Variants in TBC1D22A observed in about 807,000 individuals in gnomAD.
TBC1D22A encodes the protein TBC1 domain family member 22A.
TBC1D22A carries 38 observed loss-of-function variants against 60.2 expected under a neutral mutation model. The observed-to-expected ratio is 0.63, with a 90% CI of 0.49 to 0.83. The LOEUF is 0.83. Ranked by LOEUF, TBC1D22A falls within the 40% of genes least tolerant of loss-of-function variation. The probability of loss-of-function intolerance (pLI) is 0.00; values close to 1 mark genes in which losing one functional copy is unlikely to be tolerated. For synonymous variants in TBC1D22A, 302 were observed against 281.7 expected (o/e 1.07, Z -0.72); for missense variants, 628 against 701.0 (o/e 0.90, Z 1.18).
At chr22:47,052,487 G>T (rs1603183900) in intron 11 of TBC1D22A, among the ~76,000 whole-genome samples, 1 of 152,178 alleles carries the variant, frequency 6.6e-6, no homozygotes, top group South Asian at 2.1e-4. Context: ...GCCCCCTGGG[G>T]AGCATTGTGT....
At chr22:47,060,941 T>C (rs1373060133) in intron 11 of TBC1D22A, among the ~76,000 whole-genome samples, 3 of 152,210 alleles carry the variant, frequency 2.0e-5, no homozygotes, top group Non-Finnish European at 2.9e-5. Context: ...GGGCCTTGTC[T>C]TTGCCTACTG....
intron 7 of TBC1D22A, among the ~76,000 whole-genome samples, chr22:46,897,137 A>G (rs2068719751): frequency 6.6e-6 from 1 of 152,194 alleles, no homozygotes; most frequent in African/African-American, 2.4e-5. Context: ...AGAATTGGAC[A>G]AAATGCACAA....
At chr22:47,169,158 G>A (rs1054474973) in intron 12 of TBC1D22A, among the ~76,000 whole-genome samples, 9 of 152,196 alleles carry the variant, frequency 5.9e-5, no homozygotes, top group Admixed American at 2.0e-4. Flanking sequence ...ACTCACTGAC[G>A]TTTTAGAGAG....
At chr22:46,785,172 T>C (rs1046870524) in intron 1 of TBC1D22A, among the ~76,000 whole-genome samples, 1 of 152,198 alleles carries the variant, frequency 6.6e-6, no homozygotes, top group East Asian at 1.9e-4. Context: ...CTCTTCTCCA[T>C]GATGTCTGGG....
chr22:46,857,378 C>T (rs574826164), intron 4 of TBC1D22A, among the ~76,000 whole-genome samples: 14 of 152,348 alleles, frequency 9.2e-5, no homozygotes, highest in Admixed American at 1.3e-4. Context: ...AGCCCATCAT[C>T]GCTGTAGTCC....
chr22:46,958,886 A>G (rs1034117740), intron 8 of TBC1D22A, among the ~76,000 whole-genome samples: 2 of 152,118 alleles, frequency 1.3e-5, no homozygotes, highest in Admixed American at 1.3e-4. Context: ...CAGCCTTCTC[A>G]TTGTCTGAGT....
intron 11 of TBC1D22A, among the ~76,000 whole-genome samples, chr22:47,040,148 T>A (rs1361064630): frequency 1.3e-5 from 2 of 151,948 alleles, no homozygotes; most frequent in Non-Finnish European, 2.9e-5. Context: ...GGTTTCACCG[T>A]GTTAGCCAGG....
intron 4 of TBC1D22A, among the ~76,000 whole-genome samples, chr22:46,828,448 T>C (rs2086166109): frequency 6.6e-6 from 1 of 152,258 alleles, no homozygotes; most frequent in African/African-American, 2.4e-5. Flanking sequence ...TGTGAGATGT[T>C]TGTCTGTTGC....
intron 11 of TBC1D22A, among the ~76,000 whole-genome samples, chr22:47,060,280 T>C (rs7290614): frequency 0.49 from 71,633 of 145,130 alleles, 18,551 homozygotes; most frequent in African/African-American, 0.62. Context: ...CTTGCTCTGT[T>C]GCCCAGGCTG....
chr22:47,118,889 C>T (rs1258656723), intron 12 of TBC1D22A, among the ~76,000 whole-genome samples: 6 of 152,136 alleles, frequency 3.9e-5, no homozygotes, highest in Non-Finnish European at 8.8e-5. Flanking sequence ...CGGTGGCTCA[C>T]GCCTGTAATC....
chr22:46,814,954 A>G (rs938025868), intron 4 of TBC1D22A, among the ~76,000 whole-genome samples: 5 of 152,016 alleles, frequency 3.3e-5, no homozygotes, highest in Non-Finnish European at 5.9e-5. Context: ...TGCCCGGCCT[A>G]TTTTTACTTA....
At chr22:46,847,238 T>C (rs2087041879) in intron 4 of TBC1D22A, among the ~76,000 whole-genome samples, 2 of 152,180 alleles carry the variant, frequency 1.3e-5, no homozygotes, top group Non-Finnish European at 2.9e-5. Context: ...GGAGAAATAG[T>C]GTAGAAGAGA....
chr22:46,797,804 G>T (rs1051884307), intron 4 of TBC1D22A, among the ~76,000 whole-genome samples, 184 bp downstream of exon 4: 8 of 152,244 alleles, frequency 5.3e-5, no homozygotes, highest in African/African-American at 1.9e-4. Context: ...GTAGCAATTT[G>T]TGCTTTAGAC....
At chr22:47,171,310 C>G (rs969692569) in intron 12 of TBC1D22A, among the ~76,000 whole-genome samples, 4 of 152,214 alleles carry the variant, frequency 2.6e-5, no homozygotes, top group Non-Finnish European at 5.9e-5. Flanking sequence ...CCCTTGTCAC[C>G]TGCTAGGAGT....
intron 11 of TBC1D22A, among the ~76,000 whole-genome samples, chr22:47,089,353 C>T (rs866854160): frequency 3.3e-5 from 5 of 152,294 alleles, no homozygotes; most frequent in South Asian, 2.1e-4. Context: ...GAGCGGGGGT[C>T]GGTAATAAAT....
intron 8 of TBC1D22A, among the ~76,000 whole-genome samples, chr22:46,925,344 A>T (rs2070989204): frequency 6.6e-6 from 1 of 152,234 alleles, no homozygotes; most frequent in Admixed American, 6.5e-5. Context: ...ACAAGCAGAG[A>T]GTTCCCTGGG....
chr22:46,877,627 A>G (rs1164751450), intron 4 of TBC1D22A, among the ~76,000 whole-genome samples: 3 of 152,264 alleles, frequency 2.0e-5, no homozygotes, highest in Non-Finnish European at 4.4e-5. Flanking sequence ...AGACTTTAGT[A>G]ATTGGAAAAA....
At chr22:46,835,084 G>A (rs569170552) in intron 4 of TBC1D22A, among the ~76,000 whole-genome samples, 73 of 152,328 alleles carry the variant, frequency 4.8e-4, no homozygotes, top group African/African-American at 1.7e-3. Flanking sequence ...ACATTAATAG[G>A]AAAGGTCTGA....
chr22:47,009,633 A>T lies in TBC1D22A; in HGVS notation c.1201+11924A>T, dbSNP rs572139590. 9.9e-5 allele frequency among the ~76,000 whole-genome samples: 15 copies of T among 151,328 alleles called. 1 individual carries two copies. The South Asian group carries it at 2.9e-3, about 30-fold the overall frequency. On this transcript the variant is annotated intron_variant, in intron 10 of 12. Coordinates refer to ENST00000337137, the MANE Select transcript of TBC1D22A (RefSeq NM_014346.5). The surrounding 1 kb of genome is among the most constrained non-coding windows in gnomAD (Gnocchi z 5.8). ...TCATCATTACTATCACCATCATTTC[A>T]TCACCGTCATCATTACCATCATCAC...
Sources: allele counts gnomAD v4.1 joint callset (sites outside exome capture counted in the v4.1 genomes callset), GRCh38; gene constraint gnomAD v4.1.1; non-coding constraint Gnocchi (gnomAD v3.1); transcripts MANE v1.5; gene names NCBI Gene and HGNC (gene_info 2026-07-23, HGNC 2026-07-21).